ULK4: variants seen among roughly 807,000 people sequenced by gnomAD.
ULK4 encodes the protein unc-51 like kinase 4.
A neutral mutation model predicts 160.6 loss-of-function variants in ULK4; 133 were observed. That is an observed-to-expected ratio of 0.83 (90% CI 0.72 to 0.96). The LOEUF is 0.96. Among genes scored for constraint, ULK4 ranks in the 40% least tolerant of loss-of-function variants. ULK4 has a pLI of 0.00. For synonymous variants in ULK4, 534 were observed against 539.8 expected (o/e 0.99, Z 0.15); for missense variants, 1,580 against 1,499.5 (o/e 1.05, Z -0.89).
intron 32 of ULK4, among the ~76,000 whole-genome samples, chr3:41,557,774 G>A (rs890614829): frequency 1.3e-5 from 2 of 151,516 alleles, no homozygotes; most frequent in African/African-American, 4.8e-5. Context: ...CTAAAATAAA[G>A]TAAAATAAAA....
At chr3:41,247,098 C>A (rs1466164619) in intron 36 of ULK4, 106 bp from the exon 37 acceptor site, 6 of 1,042,898 alleles carry the variant, frequency 5.8e-6, no homozygotes, top group Non-Finnish European at 8.7e-6. Flanking sequence ...TCTGGTGGAC[C>A]AGCTGCAGCA....
intron 32 of ULK4, among the ~76,000 whole-genome samples, chr3:41,538,361 T>TC (rs76366701): frequency 6.6e-6 from 1 of 151,986 alleles, no homozygotes; most frequent in Non-Finnish European, 1.5e-5. Flanking sequence ...TTTGTTTTTT[T>TC]TCTACAATGG....
At position 41,493,433 on chromosome 3, in the gene ULK4, G is replaced by A. The variant is rs999169853; in HGVS notation, c.3227-30180C>T. On this transcript the variant is annotated intron_variant, in intron 32 of 36. Coordinates refer to ENST00000301831, the MANE Select transcript of ULK4 (RefSeq NM_017886.4). The stretch of plus-strand genomic sequence containing the variant: ...CTCTGGGACACATTCAAAGCAGTGT[G>A]TAGAGGGAAATTTATAGCACTAAAT... Among the ~76,000 whole-genome samples, 17 of 133,764 alleles carry A rather than the reference G, an allele frequency of 1.3e-4. 1 individual carries two copies. Among genetic ancestry groups the A allele is most frequent in the African/African-American group, 4.5e-4 (16 of 35,650 alleles). The allele number at this position is 133,764 out of a possible 152,430, so 87.8% of individuals were successfully genotyped here.
intron 20 of ULK4, among the ~76,000 whole-genome samples, chr3:41,798,131 G>T (rs1386443518): frequency 1.3e-5 from 2 of 152,002 alleles, no homozygotes; most frequent in Admixed American, 1.3e-4. Flanking sequence ...AGAAGAAAAA[G>T]GGGAGGACTA....
At chr3:41,778,075 T>C (rs1412331704) in intron 21 of ULK4, among the ~76,000 whole-genome samples, 1 of 128,030 alleles carries the variant, frequency 7.8e-6, no homozygotes, top group Non-Finnish European at 1.6e-5. Flanking sequence ...ATTGTTTATC[T>C]AGAAAACCCC....
chr3:41,348,915 T>C (rs2080856998), intron 35 of ULK4, among the ~76,000 whole-genome samples: 1 of 152,146 alleles, frequency 6.6e-6, no homozygotes, highest in Admixed American at 6.6e-5. Flanking sequence ...TCCAGAGAAG[T>C]GAATGTCTTC....
chr3:41,739,223 A>G (rs1407400442), intron 22 of ULK4, among the ~76,000 whole-genome samples: 2 of 151,952 alleles, frequency 1.3e-5, no homozygotes, highest in Non-Finnish European at 2.9e-5. Context: ...GTCAAAAAAT[A>G]TAGCAGTAAA....
At chr3:41,463,348 A>G (rs768351839) in intron 32 of ULK4, 95 bp from the exon 33 acceptor site, 10 of 1,246,642 alleles carry the variant, frequency 8.0e-6, no homozygotes, top group African/African-American at 1.5e-5. Flanking sequence ...TCTATGTTGC[A>G]TAAACCCTAA....
At chr3:41,398,879 G>A (rs1388950216) in intron 34 of ULK4, among the ~76,000 whole-genome samples, 3 of 152,028 alleles carry the variant, frequency 2.0e-5, no homozygotes, top group Admixed American at 6.5e-5. Flanking sequence ...TATACAATGT[G>A]TAATAATCAA....
intron 21 of ULK4, among the ~76,000 whole-genome samples, chr3:41,762,602 C>T (rs1487788836): frequency 6.6e-6 from 1 of 150,464 alleles, no homozygotes; most frequent in African/African-American, 2.4e-5. Flanking sequence ...GAGAAGCAAA[C>T]CATGTCTTAC....
At chr3:41,528,332 G>T (rs532193281) in intron 32 of ULK4, among the ~76,000 whole-genome samples, 1 of 152,086 alleles carries the variant, frequency 6.6e-6, no homozygotes, top group Non-Finnish European at 1.5e-5. Flanking sequence ...ATGGTTTTCC[G>T]TTAGAACCTA....
intron 22 of ULK4, among the ~76,000 whole-genome samples, chr3:41,751,752 G>A (rs2038637747): frequency 2.6e-5 from 4 of 152,196 alleles, no homozygotes; most frequent in African/African-American, 9.7e-5. Context: ...AGCATCATCA[G>A]AGTGGCTCTC....
At chr3:41,297,327 A>T (rs530780626) in intron 35 of ULK4, among the ~76,000 whole-genome samples, 31 of 152,256 alleles carry the variant, frequency 2.0e-4, no homozygotes, top group African/African-American at 7.5e-4. Context: ...TCCTGCCACA[A>T]ATGCTTGGAA....
At chr3:41,795,472 C>T (rs923000878) in intron 20 of ULK4, among the ~76,000 whole-genome samples, 1 of 152,110 alleles carries the variant, frequency 6.6e-6, no homozygotes, top group African/African-American at 2.4e-5. Flanking sequence ...AAAATCTTAA[C>T]TTGCAATCAA....
intron 21 of ULK4, among the ~76,000 whole-genome samples, chr3:41,763,496 C>CAT (rs1270403847): frequency 6.6e-6 from 1 of 152,108 alleles, no homozygotes; most frequent in East Asian, 1.9e-4. Context: ...TGCTGGCTTC[C>CAT]ATATAATGGA....
intron 32 of ULK4, among the ~76,000 whole-genome samples, chr3:41,559,785 A>G (rs2087490335): frequency 6.6e-6 from 1 of 152,174 alleles, no homozygotes; most frequent in Admixed American, 6.6e-5. Context: ...CCTTTGTCAG[A>G]TGGGTAGACT....
intron 35 of ULK4, among the ~76,000 whole-genome samples, chr3:41,349,992 T>C (rs1438432338): frequency 2.0e-5 from 3 of 152,204 alleles, no homozygotes; most frequent in Non-Finnish European, 4.4e-5. Flanking sequence ...TGCTATTTCA[T>C]TGGTGTATTT....
chr3:41,598,882 G>A (rs775054722), intron 31 of ULK4, among the ~76,000 whole-genome samples: 2 of 152,204 alleles, frequency 1.3e-5, no homozygotes, highest in Admixed American at 6.5e-5. Context: ...AGTTCTAGAC[G>A]TCAGAGGTCT....
chr3:41,425,130 T>C (rs1051084473), intron 34 of ULK4, among the ~76,000 whole-genome samples: 4 of 151,774 alleles, frequency 2.6e-5, no homozygotes, highest in Non-Finnish European at 4.4e-5. Flanking sequence ...AAAACCACAA[T>C]ACAAGAACTT....
Sources: allele counts gnomAD v4.1 joint callset (sites outside exome capture counted in the v4.1 genomes callset), GRCh38; gene constraint gnomAD v4.1.1; transcripts MANE v1.5; gene names NCBI Gene and HGNC (gene_info 2026-07-23, HGNC 2026-07-21).